The following CLCN7 variants were observed in gnomAD, a reference collection of about 807,000 sequenced individuals.
CLCN7 encodes the protein H(+)/Cl(-) exchange transporter 7.
CLCN7 carries 60 observed loss-of-function variants against 102.1 expected under a neutral mutation model. The ratio of observed to expected loss-of-function variants is 0.59; its 90% CI spans 0.48 to 0.73. CLCN7 has a LOEUF of 0.73. Ranked by LOEUF, CLCN7 falls within the 30% of genes least tolerant of loss-of-function variation. The probability of loss-of-function intolerance (pLI) is 0.00; values close to 1 mark genes in which losing one functional copy is unlikely to be tolerated. For missense variants in CLCN7, 962 were observed against 1,125.7 expected (o/e 0.85, Z 2.08); for synonymous variants, 560 against 490.5 (o/e 1.14, Z -1.87).
rs886051695 is a variant in CLCN7 at position 1,446,217 on chromosome 16, G to A, written c.*414C>T. On this transcript the variant is annotated 3_prime_UTR_variant, in exon 25 of 25. Coordinates refer to ENST00000382745, the MANE Select transcript of CLCN7 (RefSeq NM_001287.6). ...GACTCCACTGGTGTGGAGGCAGAGG[G>A]GCCCTTCCAGGGCAGGGCAGCCCTC... 10 of 632,400 alleles carry A rather than the reference G, an allele frequency of 1.6e-5. No homozygotes were observed. Among genetic ancestry groups the A allele is most frequent in the Non-Finnish European group, 2.8e-5 (10 of 355,060 alleles). The allele number at this position is 632,400 out of a possible 1,614,324, so 39.2% of individuals were successfully genotyped here. A position where few individuals can be genotyped will look rare whatever the true frequency, so the allele number is the denominator to read the frequency against.
intron 2 of CLCN7, among the ~76,000 whole-genome samples, chr16:1,463,480 T>G (rs2038966419): frequency 6.6e-6 from 1 of 151,944 alleles, no homozygotes; most frequent in African/African-American, 2.4e-5. Context: ...AGAATAGTAA[T>G]AATTAATTTT....
At chr16:1,448,153 C>T in intron 21 of CLCN7, 1 of 735,268 alleles carries the variant, frequency 1.4e-6, no homozygotes, top group Non-Finnish European at 2.2e-6. Flanking sequence ...ACCCCAAGAC[C>T]CTGCCAGGCC....
In CLCN7 at chr16:1,457,524, TGACGC is replaced by T; in HGVS notation, c.738+165_738+169del. 1.6e-6 allele frequency: 1 copy of T among 642,448 alleles called. No individual in the cohort carries two copies. Among genetic ancestry groups the T allele is most frequent in the Non-Finnish European group, 2.9e-6 (1 of 350,778 alleles). The allele number at this position is 642,448 out of a possible 1,614,324, so 39.8% of individuals were successfully genotyped here. ...AAGGACCGGTGCTCAGAGACACGCG[TGACGC>T]GGCCCTTCCTGGAGACCAGAAGGAC... On this transcript the variant is annotated intron_variant, in intron 8 of 24. Coordinates refer to ENST00000382745, the MANE Select transcript of CLCN7 (RefSeq NM_001287.6). This position sits in a 1 kb window ranked among gnomAD's most constrained non-coding sequence, Gnocchi z 5.4.
In CLCN7 at chr16:1,446,466, C is replaced by T. The variant is rs777148736; in HGVS notation, c.*165G>A. On this transcript the variant is annotated 3_prime_UTR_variant, in exon 25 of 25. Transcript: ENST00000382745. ...ACTGCCCACAACAGGGTCAGTCCCG[C>T]GAGAGGGTCAGTTCCGCGCCTGCCG... 12 of 723,216 alleles carry T rather than the reference C, an allele frequency of 1.7e-5. No individual in the cohort carries two copies. The highest frequency in any genetic ancestry group is 1.0e-4 in the African/African-American group (6 of 57,620). 44.8% of individuals were successfully genotyped at this position (723,216 alleles called of 1,614,324 possible).
At chr16:1,471,485 C>T (rs2039077174) in intron 1 of CLCN7, 1 of 152,174 alleles carries the variant, frequency 6.6e-6, no homozygotes, top group African/African-American at 2.4e-5. Context: ...TGAGCTGTGC[C>T]CACCAGTCAG....
At chr16:1,454,347 A>C in intron 13 of CLCN7, 64 bp downstream of exon 13, 6 of 1,536,450 alleles carry the variant, frequency 3.9e-6, no homozygotes, top group Non-Finnish European at 4.5e-6. Context: ...CCTCGTCTCT[A>C]TGGCCACGTC....
At chr16:1,466,432 G>T (rs1397657224) in intron 1 of CLCN7, among the ~76,000 whole-genome samples, 3 of 152,244 alleles carry the variant, frequency 2.0e-5, no homozygotes, top group Non-Finnish European at 4.4e-5. Context: ...GGTGGGGACG[G>T]GGAGACGTGC....
intron 1 of CLCN7, 69 bp from the exon 2 acceptor site, chr16:1,465,407 C>G: frequency 7.2e-7 from 1 of 1,398,542 alleles, no homozygotes; most frequent in Non-Finnish European, 9.9e-7. Flanking sequence ...TTCTCACTCC[C>G]GCCGCCGCAC....
Position 1,474,880 on chromosome 16 carries a change from C to T in CLCN7, c.95G>A (p.Gly32Glu). 2 of 1,447,564 alleles carry T rather than the reference C, an allele frequency of 1.4e-6. No homozygotes were observed. The highest frequency in any genetic ancestry group is 1.8e-6 in the Non-Finnish European group (2 of 1,102,346). 89.7% of individuals were successfully genotyped at this position (1,447,564 alleles called of 1,614,324 possible). ...PLLRRTARPG[G>E]GTPLLNGAGP... ...AGCCCCGTTCAGCAGCGGCGTCCCCCCGCCGGGCCGCGCCGTCCTCCGCAG... is the reference window on the plus strand; with the variant it reads ...AGCCCCGTTCAGCAGCGGCGTCCCCTCGCCGGGCCGCGCCGTCCTCCGCAG... The change falls in exon 1 of 25, where the codon GGG becomes GAG. Residue 32 changes from glycine (G) to glutamate (E), a missense_variant. Gly to Glu is a moderately conservative substitution (Grantham distance 98). Transcript: ENST00000382745.
intron 1 of CLCN7, among the ~76,000 whole-genome samples, chr16:1,466,981 T>G (rs1287579313): frequency 1.1e-5 from 1 of 87,572 alleles, no homozygotes; most frequent in South Asian, 4.1e-4. Flanking sequence ...CCCACTGCCC[T>G]CCAGGGACCC....
At position 1,457,163 on chromosome 16, in the gene CLCN7, TGG is replaced by T; in HGVS notation, c.822+89_822+90del. On this transcript the variant is annotated intron_variant, in intron 9 of 24. Transcript: ENST00000382745. This position sits in a 1 kb window ranked among gnomAD's most constrained non-coding sequence, Gnocchi z 5.4. Reference sequence around the variant, plus strand: ...TCAGATGGGGCTGGGGCTCTCGGCCTGGGGGTGCTGAGGGAAGCCCATCTCCC... The same window carrying T: ...TCAGATGGGGCTGGGGCTCTCGGCCTGGGTGCTGAGGGAAGCCCATCTCCC... 8.2e-7 allele frequency: 1 copy of T among 1,221,126 alleles called. No homozygotes were observed. The highest frequency in any genetic ancestry group is 1.2e-6 in the Non-Finnish European group (1 of 825,280). The allele number at this position is 1,221,126 out of a possible 1,614,324, so 75.6% of individuals were successfully genotyped here. A position where few individuals can be genotyped will look rare whatever the true frequency, so the allele number is the denominator to read the frequency against.
chr16:1,449,466 G>T, intron 17 of CLCN7, 139 bp from the exon 18 acceptor site: 1 of 757,480 alleles, frequency 1.3e-6, no homozygotes, highest in East Asian at 2.7e-5. Context: ...CATACACACA[G>T]AACAACCTAG....
intron 2 of CLCN7, 68 bp from the exon 3 acceptor site, chr16:1,461,742 C>G (rs1006743384): frequency 7.6e-7 from 1 of 1,312,136 alleles, no homozygotes. Context: ...CCCCTCTCAG[C>G]TCACACACGA....
intron 1 of CLCN7, among the ~76,000 whole-genome samples, chr16:1,469,129 C>T (rs2039044383): frequency 6.6e-6 from 1 of 151,784 alleles, no homozygotes; most frequent in African/African-American, 2.4e-5. Context: ...CTGCTTGAAC[C>T]CGGGAGGTGG....
At position 1,448,461 on chromosome 16, in the gene CLCN7, G is replaced by T; in HGVS notation, c.1907C>A (p.Thr636Asn). 1 of 1,611,036 alleles carries T rather than the reference G, an allele frequency of 6.2e-7. No homozygotes were observed. Among genetic ancestry groups the T allele is most frequent in the Non-Finnish European group, 8.5e-7 (1 of 1,179,960 alleles). The change falls in exon 21 of 25, where the codon ACC becomes AAC. Residue 636 changes from threonine to asparagine, a missense_variant. By Grantham distance (65) the Thr-to-Asn change is moderately conservative. This residue lies in a region of CLCN7 where 799 missense variants were observed against 988.0 expected (regional missense o/e 0.81). Coordinates refer to ENST00000382745, the MANE Select transcript of CLCN7 (RefSeq NM_001287.6). ...TAREVMSTPV[T>N]CLRRREKVGV... The stretch of plus-strand genomic sequence containing the variant: ...GACCTTCTCACGCCGCCTCAGGCAG[G>T]TCACTGGTGTGCTCATCACCTCCCT...
chr16:1,446,754 C>G, intron 24 of CLCN7, 37 bp from the exon 25 acceptor site: 2 of 1,513,124 alleles, frequency 1.3e-6, no homozygotes, highest in Non-Finnish European at 1.8e-6. Context: ...ACACACGGGT[C>G]GGCTCCCGCC....
rs1236627423 is a variant in CLCN7 at position 1,471,290 on chromosome 16, T to C, written c.141+3544A>G. On this transcript the variant is annotated intron_variant, in intron 1 of 24. Transcript: ENST00000382745. Reference sequence around the variant, plus strand: ...ACACCACCAGCCAACCTGAAAATCCTGCAACAAACCCTAAAGAGCCTGGAG... The same window carrying C: ...ACACCACCAGCCAACCTGAAAATCCCGCAACAAACCCTAAAGAGCCTGGAG... Among the ~76,000 whole-genome samples the C allele has an allele frequency of 3.3e-5, 5 of 152,124 alleles. No individual in the cohort carries two copies. In the East Asian group the frequency reaches 7.7e-4, roughly 23 times the overall value.
At chr16:1,451,089 C>G (rs1223498554) in intron 16 of CLCN7, among the ~76,000 whole-genome samples, 2 of 152,214 alleles carry the variant, frequency 1.3e-5, no homozygotes, top group Non-Finnish European at 1.5e-5. Context: ...GTGAGACCGC[C>G]AGGGACACAA....
At chr16:1,469,757 A>G (rs571704256) in intron 1 of CLCN7, among the ~76,000 whole-genome samples, 6 of 152,360 alleles carry the variant, frequency 3.9e-5, no homozygotes, top group African/African-American at 1.4e-4. Flanking sequence ...TGAAAGTCCC[A>G]CTTGCACGCC....
Sources: gnomAD v4.1 joint callset for allele counts (sites outside exome capture counted in the v4.1 genomes callset) on GRCh38, gnomAD v4.1.1 for gene constraint, gnomAD v4.1.1 regional missense constraint, Gnocchi (gnomAD v3.1) non-coding constraint, MANE v1.5 for transcripts, NCBI Gene and HGNC (gene_info 2026-07-23, HGNC 2026-07-21) for gene names.